The following CHIC2 variants were observed in gnomAD, a reference collection of about 807,000 sequenced individuals.
CHIC2 encodes cysteine rich hydrophobic domain 2, also known as cysteine-rich hydrophobic domain-containing protein 2.
CHIC2 carries 14 observed loss-of-function variants against 25.9 expected under a neutral mutation model. That is an observed-to-expected ratio of 0.54 (90% confidence interval 0.36 to 0.85). CHIC2 has a LOEUF of 0.85. Ranked by LOEUF, CHIC2 falls within the 40% of genes least tolerant of loss-of-function variation. The pLI is 0.01. For missense variants in CHIC2, 146 were observed against 202.0 expected (o/e 0.72, Z 1.68); for synonymous variants, 70 against 72.0 (o/e 0.97, Z 0.14).
intron 1 of CHIC2, chr4:54,061,031 T>C (rs1717317372): frequency 6.6e-6 from 1 of 152,164 alleles, no homozygotes; most frequent in Admixed American, 6.5e-5. Context: ...GGAAATATTA[T>C]ACTTAAACAG....
At chr4:54,047,898 A>G (rs1477631117) in intron 3 of CHIC2, among the ~76,000 whole-genome samples, 1 of 152,024 alleles carries the variant, frequency 6.6e-6, no homozygotes, top group East Asian at 1.9e-4. Context: ...TCATTTTTAT[A>G]CATATAAATA....
chr4:54,069,577 C>T (rs550465815), upstream of CHIC2, among the ~76,000 whole-genome samples: 71 of 152,286 alleles, frequency 4.7e-4, no homozygotes, highest in African/African-American at 1.6e-3. Context: ...TTGATTACAC[C>T]GCTGGCCATT....
At chr4:54,044,088 C>T (rs1048970079) in intron 3 of CHIC2, among the ~76,000 whole-genome samples, 1 of 152,158 alleles carries the variant, frequency 6.6e-6, no homozygotes, top group Non-Finnish European at 1.5e-5. Context: ...GGGATCAATT[C>T]AACAAGAAGA....
At chr4:54,072,310 A>T in the CHIC2 span, among the ~76,000 whole-genome samples, 1 of 152,174 alleles carries the variant, frequency 6.6e-6, no homozygotes, top group African/African-American at 2.4e-5. Context: ...TCAAAAAAAA[A>T]AAAAAGTATC....
At chr4:54,030,037 A>T (rs1716176100) in intron 3 of CHIC2, among the ~76,000 whole-genome samples, 1 of 152,218 alleles carries the variant, frequency 6.6e-6, no homozygotes, top group African/African-American at 2.4e-5. Flanking sequence ...CAGAAGAAAC[A>T]TAAGTAAACT....
intron 3 of CHIC2, among the ~76,000 whole-genome samples, chr4:54,037,345 C>G (rs1320286233): frequency 6.6e-6 from 1 of 151,658 alleles, no homozygotes; most frequent in East Asian, 1.9e-4. Flanking sequence ...AGAATGAGAC[C>G]CTATCTCAAA....
At chr4:54,056,980 CCAG>C (rs1383264328) in intron 1 of CHIC2, among the ~76,000 whole-genome samples, 1 of 152,114 alleles carries the variant, frequency 6.6e-6, no homozygotes, top group Non-Finnish European at 1.5e-5. Flanking sequence ...ACTAGCTGCC[CCAG>C]CAGCAGAACA....
intron 3 of CHIC2, among the ~76,000 whole-genome samples, chr4:54,023,582 T>C (rs901228909): frequency 6.6e-6 from 1 of 152,134 alleles, no homozygotes; most frequent in Non-Finnish European, 1.5e-5. Flanking sequence ...TTTCCCCATA[T>C]TTCCTTCTTT....
At chr4:54,073,126 A>G in the CHIC2 span, among the ~76,000 whole-genome samples, 1 of 151,766 alleles carries the variant, frequency 6.6e-6, no homozygotes, top group South Asian at 2.1e-4. Context: ...AAACATGCCC[A>G]TTTACTTCAA....
chr4:54,032,259 C>CT (rs1323737638), intron 3 of CHIC2, among the ~76,000 whole-genome samples: 1 of 145,882 alleles, frequency 6.9e-6, no homozygotes, highest in Non-Finnish European at 1.5e-5. Context: ...GGTGTATCCT[C>CT]TCCCTCCCCC....
intron 1 of CHIC2, among the ~76,000 whole-genome samples, chr4:54,050,732 T>C (rs1220446375): frequency 2.6e-5 from 4 of 152,138 alleles, no homozygotes; most frequent in Non-Finnish European, 5.9e-5. Flanking sequence ...CTAAGGGCTA[T>C]GGGCTATACC....
At chr4:54,078,308 G>T in the CHIC2 span, among the ~76,000 whole-genome samples, 1 of 152,158 alleles carries the variant, frequency 6.6e-6, no homozygotes. Context: ...GTTGAACAGA[G>T]CAGTCCAGTC....
the CHIC2 span, among the ~76,000 whole-genome samples, chr4:54,090,713 T>A: frequency 6.6e-6 from 1 of 152,136 alleles, no homozygotes; most frequent in Non-Finnish European, 1.5e-5. Context: ...CATTATTATT[T>A]CCATGGTCAG....
At chr4:54,036,327 A>G (rs1716382474) in intron 3 of CHIC2, among the ~76,000 whole-genome samples, 1 of 152,226 alleles carries the variant, frequency 6.6e-6, no homozygotes, top group Non-Finnish European at 1.5e-5. Context: ...GAGACTAGAT[A>G]ATTTATAATG....
intron 3 of CHIC2, among the ~76,000 whole-genome samples, chr4:54,017,185 A>G (rs1229015827): frequency 6.6e-6 from 1 of 152,208 alleles, no homozygotes; most frequent in African/African-American, 2.4e-5. Context: ...CGAACTCTAC[A>G]CTTGCTAACT....
the CHIC2 span, among the ~76,000 whole-genome samples, chr4:54,086,231 T>A: frequency 6.6e-6 from 1 of 152,138 alleles, no homozygotes; most frequent in East Asian, 1.9e-4. Flanking sequence ...TGCAACCAGC[T>A]TGCAAAATGC....
chr4:54,087,433 C>T, the CHIC2 span: 20 of 609,078 alleles, frequency 3.3e-5, no homozygotes, highest in African/African-American at 9.6e-5. Flanking sequence ...CGCAGGGAAA[C>T]GTCGATAATA....
At chr4:54,020,787 C>T (rs541961158) in intron 3 of CHIC2, among the ~76,000 whole-genome samples, 5 of 152,290 alleles carry the variant, frequency 3.3e-5, no homozygotes, top group East Asian at 1.9e-4. Flanking sequence ...AAAACTCTGG[C>T]GCCAGTCACA....
chr4:54,035,298 T>A (rs1308047029), intron 3 of CHIC2, among the ~76,000 whole-genome samples: 1 of 152,084 alleles, frequency 6.6e-6, no homozygotes, highest in East Asian at 1.9e-4. Flanking sequence ...TCTAGAAGAG[T>A]TTGTGTAGAA....
Sources: allele counts gnomAD v4.1 joint callset (sites outside exome capture counted in the v4.1 genomes callset), GRCh38; gene constraint gnomAD v4.1.1; transcripts MANE v1.5; gene names NCBI Gene and HGNC (gene_info 2026-07-23, HGNC 2026-07-21).